CDH12: variants seen among roughly 807,000 people sequenced by gnomAD.
The protein encoded by CDH12 is cadherin-12.
Under a neutral mutation model 74.1 loss-of-function variants are expected in CDH12, and 41 were observed. The observed-to-expected ratio is 0.55, with a 90% CI of 0.43 to 0.72. The LOEUF is 0.72. Among genes scored for constraint, CDH12 ranks in the 30% least tolerant of loss-of-function variants. The pLI is 0.00. For synonymous variants in CDH12, 399 were observed against 355.0 expected, an observed-to-expected ratio of 1.12 and a Z score of -1.39; for missense variants, 945 against 977.2, an observed-to-expected ratio of 0.97 and a Z score of 0.44.
intron 5 of CDH12, among the ~76,000 whole-genome samples, chr5:22,031,836 T>C (rs1298122273): frequency 6.6e-6 from 1 of 152,076 alleles, no homozygotes; most frequent in African/African-American, 2.4e-5. Context: ...CCAACAGTAA[T>C]GTCAAAGATC....
intron 6 of CDH12, among the ~76,000 whole-genome samples, chr5:21,906,315 G>C (rs562984206): frequency 1.9e-4 from 29 of 152,126 alleles, no homozygotes; most frequent in South Asian, 4.1e-4. Context: ...TGTTTTTATA[G>C]CTTTAGTAAG....
chr5:22,709,639 C>G (rs545312733), intron 1 of CDH12, among the ~76,000 whole-genome samples: 16 of 152,240 alleles, frequency 1.1e-4, no homozygotes, highest in African/African-American at 3.9e-4. Flanking sequence ...AAATAATCAA[C>G]GTACAGAACC....
chr5:22,299,043 G>A (rs1431785066), intron 3 of CDH12, among the ~76,000 whole-genome samples: 1 of 152,140 alleles, frequency 6.6e-6, no homozygotes, highest in African/African-American at 2.4e-5. Flanking sequence ...CCTTAATCAG[G>A]CTGGTCAGGA....
At chr5:22,255,797 T>C (rs568404122) in intron 3 of CDH12, among the ~76,000 whole-genome samples, 21 of 151,670 alleles carry the variant, frequency 1.4e-4, no homozygotes, top group Non-Finnish European at 2.8e-4. Flanking sequence ...TTTAAAAAAA[T>C]GATATCTAGG....
intron 1 of CDH12, among the ~76,000 whole-genome samples, chr5:22,631,640 C>T (rs1738590648): frequency 6.6e-6 from 1 of 152,048 alleles, no homozygotes; most frequent in African/African-American, 2.4e-5. Context: ...CAAGGAACTC[C>T]TGAGACTGGG....
intron 4 of CDH12, among the ~76,000 whole-genome samples, chr5:22,178,085 T>C (rs1389107926): frequency 6.6e-6 from 1 of 152,178 alleles, no homozygotes; most frequent in African/African-American, 2.4e-5. Flanking sequence ...GTTTCAGGAA[T>C]ACCAAGATAT....
intron 3 of CDH12, among the ~76,000 whole-genome samples, chr5:22,357,428 A>G (rs1460694907): frequency 6.6e-6 from 1 of 152,130 alleles, no homozygotes; most frequent in African/African-American, 2.4e-5. Context: ...GGTACCCCAA[A>G]TGGAAGATAA....
At chr5:22,389,809 G>A (rs915661155) in intron 3 of CDH12, among the ~76,000 whole-genome samples, 16 of 151,382 alleles carry the variant, frequency 1.1e-4, no homozygotes, top group East Asian at 7.8e-4. Flanking sequence ...CACCACGCCC[G>A]GCTAATTTTT....
chr5:22,345,851 C>T (rs146419911), intron 3 of CDH12, among the ~76,000 whole-genome samples: 1 of 152,132 alleles, frequency 6.6e-6, no homozygotes, highest in Non-Finnish European at 1.5e-5. Flanking sequence ...TGCCTGTAAT[C>T]CCAGCACTTT....
At chr5:22,501,758 A>C (rs1736158685) in intron 2 of CDH12, among the ~76,000 whole-genome samples, 1 of 151,610 alleles carries the variant, frequency 6.6e-6, no homozygotes, top group Non-Finnish European at 1.5e-5. Context: ...AAAAAAAAAA[A>C]AAACAGATGG....
At chr5:21,882,773 A>G in intron 6 of CDH12, 2 of 1,593,996 alleles carry the variant, frequency 1.3e-6, no homozygotes, top group East Asian at 2.2e-5. Flanking sequence ...AGGGAAGAAC[A>G]GTGATTATTG....
chr5:22,547,732 C>T (rs181383992), intron 1 of CDH12, among the ~76,000 whole-genome samples: 2 of 152,128 alleles, frequency 1.3e-5, no homozygotes, highest in African/African-American at 2.4e-5. Flanking sequence ...TAATTAACAT[C>T]AATTATAGCT....
At chr5:22,651,890 G>A (rs556649216) in intron 1 of CDH12, among the ~76,000 whole-genome samples, 1 of 152,076 alleles carries the variant, frequency 6.6e-6, no homozygotes, top group South Asian at 2.1e-4. Context: ...ATCTTTTCAA[G>A]TTCTAAGTTC....
chr5:21,855,954 C>A (rs1399496571), intron 6 of CDH12, among the ~76,000 whole-genome samples: 2 of 151,624 alleles, frequency 1.3e-5, no homozygotes, highest in African/African-American at 4.8e-5. Flanking sequence ...ACATTCAATG[C>A]CAAGGTCTTT....
chr5:22,586,897 A>C (rs887161663), intron 1 of CDH12, among the ~76,000 whole-genome samples: 1 of 128,966 alleles, frequency 7.8e-6, no homozygotes, highest in Non-Finnish European at 1.5e-5. Context: ...CTCAGGCTGG[A>C]GTGCAATGGT....
chr5:22,751,445 T>A (rs1281622454), intron 1 of CDH12, among the ~76,000 whole-genome samples: 2 of 151,316 alleles, frequency 1.3e-5, no homozygotes, highest in East Asian at 3.9e-4. Context: ...TGCTAAAAAG[T>A]CTTCTATTTC....
chr5:22,473,579 A>G (rs1035376583), intron 2 of CDH12, among the ~76,000 whole-genome samples: 7 of 152,134 alleles, frequency 4.6e-5, no homozygotes, highest in African/African-American at 1.7e-4. Context: ...AAAATGGTAG[A>G]AAGAAGATGG....
intron 5 of CDH12, among the ~76,000 whole-genome samples, chr5:22,049,673 T>G (rs1421356723): frequency 1.3e-5 from 2 of 152,166 alleles, no homozygotes; most frequent in African/African-American, 4.8e-5. Flanking sequence ...TTCATTAATG[T>G]CAGAATAATG....
At chr5:22,391,138 T>C (rs779000664) in intron 3 of CDH12, among the ~76,000 whole-genome samples, 5 of 152,238 alleles carry the variant, frequency 3.3e-5, no homozygotes, top group Non-Finnish European at 5.9e-5. Context: ...TCTTTCTCTG[T>C]GATAGAGTTA....
Sources: gnomAD v4.1 joint callset for allele counts (sites outside exome capture counted in the v4.1 genomes callset) on GRCh38, gnomAD v4.1.1 for gene constraint, MANE v1.5 for transcripts, NCBI Gene and HGNC (gene_info 2026-07-23, HGNC 2026-07-21) for gene names.